Variants in CLVS1 observed in about 807,000 individuals in gnomAD.
CLVS1 encodes the protein clavesin 1.
A neutral mutation model predicts 33.1 loss-of-function variants in CLVS1; 10 were observed. The observed-to-expected ratio is 0.30, with a 90% CI of 0.19 to 0.51. CLVS1 has a LOEUF of 0.51. Ranked by LOEUF, CLVS1 falls within the 20% of genes least tolerant of loss-of-function variation. The probability of loss-of-function intolerance (pLI) is 0.97; values close to 1 mark genes in which losing one functional copy is unlikely to be tolerated. For missense variants in CLVS1, 343 were observed against 433.4 expected (o/e 0.79, Z 1.85); for synonymous variants, 163 against 166.1 (o/e 0.98, Z 0.14).
chr8:61,096,641 TC>T (rs1805356055), intron 1 of CLVS1, among the ~76,000 whole-genome samples: 1 of 152,088 alleles, frequency 6.6e-6, no homozygotes, highest in Non-Finnish European at 1.5e-5. Flanking sequence ...ATTCAGTTTT[TC>T]CCCCCTCTTA....
chr8:61,486,378 G>T (rs1443848206), intron 5 of CLVS1, among the ~76,000 whole-genome samples: 1 of 152,188 alleles, frequency 6.6e-6, no homozygotes, highest in Admixed American at 6.5e-5. Flanking sequence ...ATTCTTACAA[G>T]AACTCATCTA....
At chr8:61,475,515 G>C (rs1817890568) in intron 5 of CLVS1, among the ~76,000 whole-genome samples, 2 of 152,202 alleles carry the variant, frequency 1.3e-5, no homozygotes, top group Admixed American at 6.5e-5. Context: ...GTATCTCATT[G>C]TGGTTTTGAT....
intron 3 of CLVS1, among the ~76,000 whole-genome samples, chr8:61,445,818 T>C (rs1585985052): frequency 6.6e-6 from 1 of 152,348 alleles, no homozygotes; most frequent in Admixed American, 6.5e-5. Context: ...TTGGTAGATT[T>C]ATAAATCACA....
chr8:61,017,342 A>G, the CLVS1 span, among the ~76,000 whole-genome samples: 6 of 152,366 alleles, frequency 3.9e-5, 1 homozygote, highest in South Asian at 1.2e-3. Flanking sequence ...GAATTATGGT[A>G]TGCCGTGGGT....
At chr8:61,367,810 A>C (rs1813274501) in intron 2 of CLVS1, among the ~76,000 whole-genome samples, 1 of 152,182 alleles carries the variant, frequency 6.6e-6, no homozygotes, top group Non-Finnish European at 1.5e-5. Context: ...TCCCATGTAC[A>C]TATATTTTAC....
chr8:61,112,944 G>A (rs1263341354), intron 1 of CLVS1, among the ~76,000 whole-genome samples: 2 of 152,152 alleles, frequency 1.3e-5, no homozygotes, highest in Non-Finnish European at 2.9e-5. Context: ...GAAAGTTTTC[G>A]ATGCTTGGTG....
At chr8:61,303,775 T>A (rs1300405154) in intron 2 of CLVS1, among the ~76,000 whole-genome samples, 2 of 152,346 alleles carry the variant, frequency 1.3e-5, no homozygotes, top group Non-Finnish European at 2.9e-5. Context: ...GATGTCTATC[T>A]AACAGTATGG....
chr8:61,477,476 G>A (rs1817996905), intron 5 of CLVS1, among the ~76,000 whole-genome samples: 2 of 152,106 alleles, frequency 1.3e-5, no homozygotes, highest in Admixed American at 1.3e-4. Context: ...TCAATTCAGA[G>A]CCTGTTATTG....
chr8:61,182,357 T>C (rs1211647326), intron 2 of CLVS1, among the ~76,000 whole-genome samples: 1 of 152,168 alleles, frequency 6.6e-6, no homozygotes. Context: ...AAAGAGCTTC[T>C]GCACAGCAAA....
At chr8:61,167,474 G>A (rs939240131) in intron 2 of CLVS1, among the ~76,000 whole-genome samples, 2 of 152,040 alleles carry the variant, frequency 1.3e-5, no homozygotes, top group Non-Finnish European at 2.9e-5. Context: ...GAGCCACCGT[G>A]CCCGGTCCAG....
intron 5 of CLVS1, among the ~76,000 whole-genome samples, chr8:61,488,203 A>G (rs377293539): frequency 2.0e-5 from 3 of 152,220 alleles, no homozygotes; most frequent in African/African-American, 4.8e-5. Context: ...ACCCACACCA[A>G]AAACGTATGT....
At chr8:61,078,715 C>T (rs867406741) in intron 1 of CLVS1, among the ~76,000 whole-genome samples, 2 of 152,292 alleles carry the variant, frequency 1.3e-5, no homozygotes, top group African/African-American at 2.4e-5. Context: ...AGTGTGGAAG[C>T]CTCAAGGCTT....
intron 3 of CLVS1, among the ~76,000 whole-genome samples, chr8:61,385,263 A>G (rs1360139507): frequency 1.3e-5 from 2 of 152,222 alleles, no homozygotes; most frequent in Non-Finnish European, 2.9e-5. Context: ...TCAGTGCACC[A>G]AAGAAGAGAT....
At chr8:61,098,277 C>T (rs777928579) in intron 1 of CLVS1, among the ~76,000 whole-genome samples, 8 of 152,056 alleles carry the variant, frequency 5.3e-5, no homozygotes, top group Non-Finnish European at 1.2e-4. Flanking sequence ...TGGGACAATA[C>T]TCATCACCTC....
chr8:61,079,679 G>A (rs1170043364), intron 1 of CLVS1, among the ~76,000 whole-genome samples: 4 of 152,082 alleles, frequency 2.6e-5, no homozygotes, highest in Admixed American at 2.0e-4. Flanking sequence ...ATTTGTTTGA[G>A]TTACAAAAGC....
At chr8:61,338,992 G>GTGTGTA (rs1554560963) in intron 2 of CLVS1, among the ~76,000 whole-genome samples, 1 of 141,054 alleles carries the variant, frequency 7.1e-6, no homozygotes, top group Non-Finnish European at 1.6e-5. Context: ...GTGTGTGTGT[G>GTGTGTA]TATGCATGTG....
chr8:61,295,139 G>A (rs1310661809), intron 1 of CLVS1, among the ~76,000 whole-genome samples: 1 of 152,216 alleles, frequency 6.6e-6, no homozygotes, highest in Admixed American at 6.5e-5. Context: ...GAGAATGTTT[G>A]TGAATTACTC....
intron 2 of CLVS1, chr8:61,202,612 TC>T: frequency 6.9e-7 from 1 of 1,442,520 alleles, no homozygotes; most frequent in Non-Finnish European, 9.6e-7. Flanking sequence ...GCCAACGGTT[TC>T]CCTTGGGGGC....
At chr8:61,191,213 G>A (rs1217623368) in intron 2 of CLVS1, among the ~76,000 whole-genome samples, 1 of 152,192 alleles carries the variant, frequency 6.6e-6, no homozygotes, top group Non-Finnish European at 1.5e-5. Context: ...ATGCAAGGCT[G>A]GTTCAACATA....
Sources: allele counts gnomAD v4.1 joint callset (sites outside exome capture counted in the v4.1 genomes callset), GRCh38; gene constraint gnomAD v4.1.1; transcripts MANE v1.5; gene names NCBI Gene and HGNC (gene_info 2026-07-23, HGNC 2026-07-21).